CFAP299: variants seen among roughly 807,000 people sequenced by gnomAD.
The protein encoded by CFAP299 is cilia and flagella associated protein 299, also known as cilia- and flagella-associated protein 299.
CFAP299 carries 21 observed loss-of-function variants against 27.0 expected under a neutral mutation model. The ratio of observed to expected loss-of-function variants is 0.78; its 90% CI spans 0.55 to 1.12. CFAP299 has a LOEUF of 1.12. Among genes scored for constraint, CFAP299 ranks in the 50% most tolerant of loss-of-function variants. The pLI is 0.00. For synonymous variants in CFAP299, 104 were observed against 98.1 expected, an observed-to-expected ratio of 1.06 and a Z score of -0.36; for missense variants, 310 against 276.6, an observed-to-expected ratio of 1.12 and a Z score of -0.86.
chr4:80,753,629 G>A (rs540817467), intron 3 of CFAP299, among the ~76,000 whole-genome samples: 4 of 152,086 alleles, frequency 2.6e-5, no homozygotes, highest in East Asian at 3.9e-4. Flanking sequence ...TTACACATAC[G>A]TTGGACTCTT....
intron 3 of CFAP299, among the ~76,000 whole-genome samples, chr4:80,729,592 C>CTTTTT (rs34745276): frequency 1.7e-4 from 11 of 64,340 alleles, no homozygotes; most frequent in Admixed American, 4.5e-4. Flanking sequence ...GCTTCAGCAT[C>CTTTTT]TTTTTTTTTT....
chr4:80,891,674 G>A (rs1296433552), intron 4 of CFAP299, among the ~76,000 whole-genome samples: 3 of 112,230 alleles, frequency 2.7e-5, no homozygotes, highest in African/African-American at 1.1e-4. Flanking sequence ...TAGATGACAC[G>A]TTAGTGGGTG....
chr4:80,563,296 G>A (rs895851377), intron 2 of CFAP299, among the ~76,000 whole-genome samples: 2 of 151,980 alleles, frequency 1.3e-5, no homozygotes, highest in African/African-American at 2.4e-5. Flanking sequence ...CATATGTTAG[G>A]TCACAAAACA....
chr4:80,506,898 G>T (rs2110158644), intron 2 of CFAP299, among the ~76,000 whole-genome samples: 1 of 152,226 alleles, frequency 6.6e-6, no homozygotes. Context: ...AAACAAAAAA[G>T]CTGATCATGC....
At chr4:80,946,746 C>A (rs1737497521) in intron 5 of CFAP299, among the ~76,000 whole-genome samples, 1 of 152,090 alleles carries the variant, frequency 6.6e-6, no homozygotes, top group Non-Finnish European at 1.5e-5. Flanking sequence ...TCTATGAATA[C>A]CAGAGTACTT....
intron 3 of CFAP299, among the ~76,000 whole-genome samples, chr4:80,769,864 T>C (rs1037138961): frequency 6.6e-6 from 1 of 152,230 alleles, no homozygotes. Context: ...GCATAATTCA[T>C]TTTCTTGTAG....
At chr4:80,331,371 C>T (rs1221470303), upstream of CFAP299, among the ~76,000 whole-genome samples, 2 of 152,100 alleles carry the variant, frequency 1.3e-5, no homozygotes, top group Admixed American at 6.5e-5. Flanking sequence ...TTAAAAGAGG[C>T]CTGGTGAGAT....
intron 3 of CFAP299, among the ~76,000 whole-genome samples, chr4:80,739,736 A>G (rs1161860655): frequency 6.6e-6 from 1 of 151,722 alleles, no homozygotes; most frequent in Non-Finnish European, 1.5e-5. Flanking sequence ...TCTAGGTTAG[A>G]GAAGTTCTCT....
At chr4:80,624,417 G>T (rs1355793819) in intron 3 of CFAP299, among the ~76,000 whole-genome samples, 1 of 151,788 alleles carries the variant, frequency 6.6e-6, no homozygotes, top group African/African-American at 2.4e-5. Flanking sequence ...CTGTGAAACT[G>T]AAGGGGGATT....
intron 3 of CFAP299, among the ~76,000 whole-genome samples, chr4:80,719,065 C>T (rs1328905777): frequency 6.6e-6 from 1 of 152,074 alleles, no homozygotes; most frequent in Non-Finnish European, 1.5e-5. Flanking sequence ...ATCACATTTT[C>T]TTACTTATAA....
At chr4:80,582,622 G>A (rs1194502980) in intron 2 of CFAP299, among the ~76,000 whole-genome samples, 1 of 151,752 alleles carries the variant, frequency 6.6e-6, no homozygotes, top group Non-Finnish European at 1.5e-5. Flanking sequence ...GACAAAGATA[G>A]GTCAACCTAG....
At chr4:80,487,825 G>C (rs1560589601) in intron 2 of CFAP299, among the ~76,000 whole-genome samples, 1 of 152,180 alleles carries the variant, frequency 6.6e-6, no homozygotes, top group Non-Finnish European at 1.5e-5. Context: ...GGCCAGCAAA[G>C]AGCCATAGGT....
At chr4:80,377,925 C>T (rs1724497237) in intron 2 of CFAP299, among the ~76,000 whole-genome samples, 1 of 152,058 alleles carries the variant, frequency 6.6e-6, no homozygotes, top group African/African-American at 2.4e-5. Flanking sequence ...AGTGGCAAGA[C>T]AATAATGAGG....
chr4:80,404,846 A>G (rs1034355997), intron 2 of CFAP299, among the ~76,000 whole-genome samples: 2 of 152,082 alleles, frequency 1.3e-5, no homozygotes, highest in African/African-American at 2.4e-5. Context: ...AGTTTTTTTT[A>G]GGAACCATCA....
intron 4 of CFAP299, among the ~76,000 whole-genome samples, chr4:80,907,728 T>A (rs999134391): frequency 1.3e-5 from 2 of 152,108 alleles, no homozygotes; most frequent in South Asian, 4.2e-4. Context: ...TGCAATTACC[T>A]CCTATCGGGT....
At chr4:80,714,210 AGT>A (rs1722344611) in intron 3 of CFAP299, among the ~76,000 whole-genome samples, 1 of 152,052 alleles carries the variant, frequency 6.6e-6, no homozygotes, top group Non-Finnish European at 1.5e-5. Flanking sequence ...TTTTATATGA[AGT>A]GTGGGCTATA....
intron 2 of CFAP299, among the ~76,000 whole-genome samples, chr4:80,481,715 G>A (rs933849686): frequency 2.0e-5 from 3 of 152,020 alleles, no homozygotes; most frequent in Non-Finnish European, 2.9e-5. Context: ...ATTAGAGGCA[G>A]AGCTGGGGCT....
intron 2 of CFAP299, among the ~76,000 whole-genome samples, chr4:80,553,776 C>T (rs998582829): frequency 8.1e-4 from 124 of 152,152 alleles, no homozygotes; most frequent in African/African-American, 2.9e-3. Flanking sequence ...TTTTCATATG[C>T]TTGTTGGCTG....
intron 3 of CFAP299, among the ~76,000 whole-genome samples, chr4:80,700,073 A>G (rs141898541): frequency 0.011 from 1,629 of 152,204 alleles, 23 homozygotes; most frequent in African/African-American, 0.037. Context: ...TTTGGTACTA[A>G]CCCAATAAAG....
Sources: gnomAD v4.1 joint callset for allele counts (sites outside exome capture counted in the v4.1 genomes callset) on GRCh38, gnomAD v4.1.1 for gene constraint, MANE v1.5 for transcripts, NCBI Gene and HGNC (gene_info 2026-07-23, HGNC 2026-07-21) for gene names.